ARHGEF18: variants seen among roughly 807,000 people sequenced by gnomAD.
ARHGEF18 encodes the protein rho guanine nucleotide exchange factor 18.
Under a neutral mutation model 155.7 loss-of-function variants are expected in ARHGEF18, and 93 were observed. The ratio of observed to expected loss-of-function variants is 0.60; its 90% CI spans 0.50 to 0.71. ARHGEF18 has a LOEUF of 0.71. Ranked by LOEUF, ARHGEF18 falls within the 30% of genes least tolerant of loss-of-function variation. The probability of loss-of-function intolerance (pLI) is 0.00; values close to 1 mark genes in which losing one functional copy is unlikely to be tolerated. For missense variants in ARHGEF18, 1,593 were observed against 1,816.1 expected (o/e 0.88, Z 2.23); for synonymous variants, 742 against 753.1 (o/e 0.99, Z 0.24).
rs1046319786 is a variant in ARHGEF18, at chr19:7,383,120, G to A, written c.884G>A (p.Cys295Tyr). Residue 295 changes from cysteine (C) to tyrosine (Y), a missense_variant, in exon 10 of 29, where the codon TGT (cysteine) becomes TAT (tyrosine). Cys to Tyr is a radical substitution (Grantham distance 194). Coordinates refer to ENST00000668164, the MANE Select transcript of ARHGEF18 (RefSeq NM_001367823.1). ...KGQDARERRE[C>Y]VNGHQLLQGT... ...CAGGATGCACGAGAGAGGCGGGAGT[G>A]TGTCAATGGGCACCAGCTGTTGCAA... 1.6e-6 allele frequency: 2 copies of A among 1,232,102 alleles called. No homozygotes were observed. Among genetic ancestry groups the A allele is most frequent in the Admixed American group, 4.2e-5 (1 of 23,684 alleles). The allele number at this position is 1,232,102 out of a possible 1,614,324, so 76.3% of individuals were successfully genotyped here.
intron 10 of ARHGEF18, among the ~76,000 whole-genome samples, chr19:7,435,429 C>T (rs1010176858): frequency 6.6e-6 from 1 of 152,116 alleles, no homozygotes; most frequent in African/African-American, 2.4e-5. Context: ...GCACCAGGGT[C>T]AGTTGAGGGA....
intron 10 of ARHGEF18, among the ~76,000 whole-genome samples, chr19:7,396,420 A>AAGAGGTGTCAGG (rs1046318543): frequency 6.6e-6 from 1 of 152,062 alleles, no homozygotes; most frequent in African/African-American, 2.4e-5. Context: ...CTCCAGCTGT[A>AAGAGGTGTCAGG]AGAGGTGTCA....
At chr19:7,419,096 CCCACACTTGGCCTCTGTACCCCA>C in intron 10 of ARHGEF18, among the ~76,000 whole-genome samples, 11 of 143,354 alleles carry the variant, frequency 7.7e-5, no homozygotes, top group African/African-American at 2.5e-4. Flanking sequence ...CCCTGATGTA[CCCACACTTGGCCTCTGTACCCCA>C]GATGTACCCA....
Position 7,364,047 on chromosome 19 carries a change from AT to A in ARHGEF18, c.15+1143del, listed in dbSNP as rs1201568355. On this transcript the variant is annotated intron_variant, in intron 2 of 28. Transcript: ENST00000668164. ...GAAAGGAAGGAGGATGGATAAATGA[AT>A]GAATGAAGGAAAGATGGATGGGTAA... Among the ~76,000 whole-genome samples, 5 of 149,500 alleles carry A rather than the reference AT, an allele frequency of 3.3e-5. No homozygotes were observed. In the East Asian group the frequency reaches 1.0e-3, roughly 30 times the overall value.
intron 1 of ARHGEF18, among the ~76,000 whole-genome samples, chr19:7,357,924 AC>A (rs1041763078): frequency 2.0e-5 from 3 of 152,048 alleles, no homozygotes; most frequent in Non-Finnish European, 2.9e-5. Flanking sequence ...TGCCTCGCTC[AC>A]CTTGGTTTCC....
At chr19:7,450,907 T>TCCGTTTCC (rs1568348341) in intron 15 of ARHGEF18, among the ~76,000 whole-genome samples, 1 of 2,292 alleles carries the variant, frequency 4.4e-4, no homozygotes, top group African/African-American at 1.8e-3. Flanking sequence ...TGTACCTTTC[T>TCCGTTTCC]GAGATGTTAA....
chr19:7,453,381 A>AT lies in ARHGEF18; in HGVS notation c.1856-85dup, dbSNP rs1171852025. ...CATAGTGTGTCCACACACCTCATAG[A>AT]TCCACATGTCCATACATAGTGAGTG... On this transcript the variant is annotated intron_variant, in intron 16 of 28. Transcript: ENST00000668164. 7.2e-6 allele frequency: 9 copies of AT among 1,251,050 alleles called. No homozygotes were observed. In the East Asian group the frequency reaches 2.5e-4, roughly 34 times the overall value. 77.5% of individuals were successfully genotyped at this position (1,251,050 alleles called of 1,614,324 possible). A position where few individuals can be genotyped will look rare whatever the true frequency, so the allele number is the denominator to read the frequency against.
intron 1 of ARHGEF18, chr19:7,355,699 G>A (rs1163972855): frequency 1.0e-6 from 1 of 985,350 alleles, no homozygotes; most frequent in East Asian, 1.1e-4. Context: ...GGGCCTTCAA[G>A]AGAGGTAAGC....
chr19:7,372,752 C>T (rs577170521), intron 2 of ARHGEF18, 60 bp from the exon 3 acceptor site: 1 of 1,231,352 alleles, frequency 8.1e-7, no homozygotes, highest in South Asian at 4.1e-5. Context: ...CAAGAGACCC[C>T]AGGTTCTGCT....
chr19:7,376,084 T>G (rs574784283), intron 4 of ARHGEF18, among the ~76,000 whole-genome samples: 1 of 152,156 alleles, frequency 6.6e-6, no homozygotes, highest in Admixed American at 6.5e-5. Context: ...GGTAAGCATC[T>G]GGGGCAGGCC....
chr19:7,475,342 C>G (rs1299383203), downstream of ARHGEF18, among the ~76,000 whole-genome samples: 1 of 152,086 alleles, frequency 6.6e-6, no homozygotes, highest in Non-Finnish European at 1.5e-5. Context: ...TAGTGGTCAC[C>G]AAGCCTGGGG....
At chr19:7,378,591 T>C in intron 6 of ARHGEF18, 140 bp downstream of exon 6, 1 of 570,910 alleles carries the variant, frequency 1.8e-6, no homozygotes, top group Non-Finnish European at 2.5e-6. Context: ...AGTCCCCCCA[T>C]AACCTCATCT....
At chr19:7,372,502 CAGAT>C (rs1970253237) in intron 2 of ARHGEF18, among the ~76,000 whole-genome samples, 1 of 151,778 alleles carries the variant, frequency 6.6e-6, no homozygotes, top group South Asian at 2.1e-4. Flanking sequence ...GAGAGATAAT[CAGAT>C]GGAAACTCAG....
At position 7,438,992 on chromosome 19, in the gene ARHGEF18, C is replaced by A. The variant is rs113056188; in HGVS notation, c.968-1352C>A. Reference sequence around the variant, plus strand: ...GGTTCAAGCGATTCCGTGCCTCAGCCTCCCGAGTAGCTGAGATTACAGGCA... The same window carrying A: ...GGTTCAAGCGATTCCGTGCCTCAGCATCCCGAGTAGCTGAGATTACAGGCA... On this transcript the variant is annotated intron_variant, in intron 10 of 28. Transcript: ENST00000668164. 5.5e-3 allele frequency among the ~76,000 whole-genome samples: 832 copies of A among 152,260 alleles called. 8 individuals carry two copies. The highest frequency in any genetic ancestry group is 0.019 in the African/African-American group (788 of 41,556).
intron 10 of ARHGEF18, among the ~76,000 whole-genome samples, chr19:7,420,037 G>A (rs62111718): frequency 0.043 from 6,428 of 150,150 alleles, 192 homozygotes; most frequent in Middle Eastern, 0.078. Flanking sequence ...CCCACACTCA[G>A]CCCCCACACT....
chr19:7,435,301 T>G (rs1478650003), intron 10 of ARHGEF18, among the ~76,000 whole-genome samples: 1 of 152,036 alleles, frequency 6.6e-6, no homozygotes, highest in African/African-American at 2.4e-5. Flanking sequence ...GGATTTGTCT[T>G]AACCCAGTAT....
rs558184004 is a variant in ARHGEF18 at position 7,444,093 on chromosome 19, C to T, written c.1361-111C>T. 7.1e-7 allele frequency: 1 copy of T among 1,405,334 alleles called. No homozygotes were observed. The highest frequency in any genetic ancestry group is 9.8e-7 in the Non-Finnish European group (1 of 1,025,328). The allele number at this position is 1,405,334 out of a possible 1,614,324, so 87.1% of individuals were successfully genotyped here. A position where few individuals can be genotyped will look rare whatever the true frequency, so the allele number is the denominator to read the frequency against. ...GATCCCAAAGGCACAAGGTCTTAGG[C>T]AGAGAACTCTCAGAAGCCAGTTCAG... On this transcript the variant is annotated intron_variant, in intron 13 of 28. Transcript: ENST00000668164. The surrounding 1 kb of genome is among the most constrained non-coding windows in gnomAD (Gnocchi z 4.7).
intron 10 of ARHGEF18, among the ~76,000 whole-genome samples, chr19:7,438,121 G>A (rs920007091): frequency 5.4e-5 from 7 of 129,036 alleles, no homozygotes; most frequent in Admixed American, 9.0e-5. Context: ...TCTTCTTTTC[G>A]AGAAGGTCCC....
intron 10 of ARHGEF18, among the ~76,000 whole-genome samples, chr19:7,406,793 G>T (rs112543183): frequency 0.023 from 3,492 of 152,156 alleles, 145 homozygotes; most frequent in African/African-American, 0.077. Context: ...AGTGGCTCAC[G>T]CCTGTAATCC....
Sources: allele counts gnomAD v4.1 joint callset (sites outside exome capture counted in the v4.1 genomes callset), GRCh38; gene constraint gnomAD v4.1.1; non-coding constraint Gnocchi (gnomAD v3.1); transcripts MANE v1.5; gene names NCBI Gene and HGNC (gene_info 2026-07-23, HGNC 2026-07-21).